Variants in ITPR1 observed in about 807,000 individuals in gnomAD.
ITPR1 encodes the protein inositol 1,4,5-trisphosphate-gated calcium channel ITPR1.
ITPR1 carries 96 observed loss-of-function variants against 318.4 expected under a neutral mutation model. The ratio of observed to expected loss-of-function variants is 0.30; its 90% confidence interval spans 0.26 to 0.36. The LOEUF is 0.36. Ranked by LOEUF, ITPR1 falls within the 10% of genes least tolerant of loss-of-function variation. The pLI is 1.00. For synonymous variants in ITPR1, 1,312 were observed against 1,289.9 expected (o/e 1.02, Z -0.37); for missense variants, 2,440 against 3,460.2 (o/e 0.71, Z 7.40).
intron 3 of ITPR1, among the ~76,000 whole-genome samples, chr3:4,517,096 A>G (rs767532188): frequency 4.6e-5 from 7 of 152,182 alleles, no homozygotes; most frequent in Admixed American, 1.3e-4. Flanking sequence ...ATAAAGTTCT[A>G]TAAATCAGAT....
intron 4 of ITPR1, among the ~76,000 whole-genome samples, chr3:4,557,687 T>C (rs1298220398): frequency 1.3e-5 from 2 of 152,234 alleles, no homozygotes; most frequent in Non-Finnish European, 2.9e-5. Context: ...ACTAATTGTT[T>C]GAGGTTTCTT....
intron 7 of ITPR1, among the ~76,000 whole-genome samples, chr3:4,643,523 C>G (rs915286135): frequency 2.6e-5 from 4 of 151,668 alleles, no homozygotes; most frequent in South Asian, 2.1e-4. Flanking sequence ...TGGCTTGTGA[C>G]TATCCTTTTT....
At chr3:4,509,269 T>G (rs2081620986) in intron 2 of ITPR1, among the ~76,000 whole-genome samples, 1 of 152,228 alleles carries the variant, frequency 6.6e-6, no homozygotes, top group Admixed American at 6.5e-5. Context: ...TCACATATTC[T>G]GAGTCTGTTT....
chr3:4,762,283 G>A (rs767924076), intron 44 of ITPR1, among the ~76,000 whole-genome samples: 20 of 152,204 alleles, frequency 1.3e-4, no homozygotes, highest in Non-Finnish European at 1.0e-4. Flanking sequence ...TGAGCTCCTG[G>A]TAGCTTGAAA....
chr3:4,791,983 C>G (rs1489107178), intron 52 of ITPR1, among the ~76,000 whole-genome samples: 2 of 152,196 alleles, frequency 1.3e-5, no homozygotes, highest in Admixed American at 1.3e-4. Flanking sequence ...TGAAAAGATT[C>G]TCGCTGGGCT....
intron 11 of ITPR1, among the ~76,000 whole-genome samples, chr3:4,653,335 T>C (rs184133599): frequency 4.3e-4 from 66 of 152,270 alleles, no homozygotes; most frequent in African/African-American, 1.5e-3. Flanking sequence ...GATTTTGATA[T>C]ATTTAAGAAC....
chr3:4,735,418 G>C, intron 44 of ITPR1, 64 bp downstream of exon 44: 1 of 1,373,830 alleles, frequency 7.3e-7, no homozygotes, highest in Non-Finnish European at 1.0e-6. Flanking sequence ...TCTGTTCTGG[G>C]AGCCAGATGT....
rs935562328 is a variant in ITPR1 at position 4,710,934 on chromosome 3, G to A, written c.4991+461G>A. 2.0e-5 allele frequency among the ~76,000 whole-genome samples: 3 copies of A among 152,264 alleles called. No individual in the cohort carries two copies. Among genetic ancestry groups the A allele is most frequent in the Admixed American group, 2.0e-4 (3 of 15,300 alleles). ...TCCATTAGATTTTTGCCCCAAGGCCGGACACGGTGGCTCATGCCTGTAATC... is the reference window on the plus strand; with the variant it reads ...TCCATTAGATTTTTGCCCCAAGGCCAGACACGGTGGCTCATGCCTGTAATC... On this transcript the variant is annotated intron_variant, in intron 38 of 61. Transcript: ENST00000649015. This position sits in a 1 kb window ranked among gnomAD's most constrained non-coding sequence, Gnocchi z 4.2.
At chr3:4,628,226 C>T (rs1166421927) in intron 5 of ITPR1, among the ~76,000 whole-genome samples, 1 of 152,174 alleles carries the variant, frequency 6.6e-6, no homozygotes. Flanking sequence ...TGCTGTTTTC[C>T]ACTTCTGTTA....
At chr3:4,505,194 T>A (rs2081313647) in intron 2 of ITPR1, among the ~76,000 whole-genome samples, 1 of 152,138 alleles carries the variant, frequency 6.6e-6, no homozygotes, top group South Asian at 2.1e-4. Context: ...TAAAGGAAGC[T>A]TTTTTCCCCT....
intron 17 of ITPR1, among the ~76,000 whole-genome samples, chr3:4,666,174 A>G (rs1559646807): frequency 6.6e-6 from 1 of 152,174 alleles, no homozygotes; most frequent in Non-Finnish European, 1.5e-5. Flanking sequence ...TATGTGAACT[A>G]TCCCTGCCTT....
At position 4,563,663 on chromosome 3, in the gene ITPR1, A is replaced by C. The variant is rs544302631; in HGVS notation, c.163+42569A>C. On this transcript the variant is annotated intron_variant, in intron 4 of 61. Transcript: ENST00000649015. ...GTTTCTGGTACCCTGAGTTGTGTTG[A>C]TGTTCAGTGCTCCCTTTACTCTCTC... Among the ~76,000 whole-genome samples, 37 of 152,198 alleles carry C rather than the reference A, an allele frequency of 2.4e-4. 1 individual carries two copies. The highest frequency in any genetic ancestry group is 7.9e-4 in the African/African-American group (33 of 41,524).
chr3:4,802,739 G>T (rs952551866), intron 54 of ITPR1, among the ~76,000 whole-genome samples: 5 of 152,054 alleles, frequency 3.3e-5, no homozygotes, highest in Admixed American at 2.0e-4. Flanking sequence ...TGAGGCACGA[G>T]AATCTCTTGA....
chr3:4,645,762 T>G, intron 10 of ITPR1, 34 bp downstream of exon 10: 1 of 1,592,350 alleles, frequency 6.3e-7, no homozygotes, highest in Non-Finnish European at 8.5e-7. Context: ...CTCCTGGGTT[T>G]AGAGGATATC....
At chr3:4,644,480 G>A (rs529584512) in intron 8 of ITPR1, among the ~76,000 whole-genome samples, 3 of 152,328 alleles carry the variant, frequency 2.0e-5, no homozygotes, top group African/African-American at 7.2e-5. Flanking sequence ...GCGTCACTGA[G>A]GGGTTGTTTT....
Position 4,688,519 on chromosome 3 carries a change from A to G in ITPR1, c.3727A>G (p.Ile1243Val), listed in dbSNP as rs756442891. 2.5e-6 allele frequency: 4 copies of G among 1,614,010 alleles called. No homozygotes were observed. The highest frequency in any genetic ancestry group is 3.4e-6 in the Non-Finnish European group (4 of 1,179,868). ...EKAEDTKMQEIMRLAHEFLQN... is the reference protein window; with the variant it reads ...EKAEDTKMQEVMRLAHEFLQN... ...GGCCGAAGATACCAAGATGCAAGAG[A>G]TAATGAGGTTGGCTCATGAATTTTT... The change falls in exon 31 of 62, where the codon ATA (isoleucine) becomes GTA (valine). Residue 1243 changes from isoleucine (I) to valine (V), a missense_variant. By Grantham distance (29) the Ile-to-Val change is conservative (BLOSUM62 3). This residue lies in a region of ITPR1 where 222 missense variants were observed against 318.8 expected (regional missense o/e 0.70). Transcript: ENST00000649015.
chr3:4,780,826 C>A (rs920317129), intron 49 of ITPR1, among the ~76,000 whole-genome samples: 7 of 152,098 alleles, frequency 4.6e-5, no homozygotes, highest in African/African-American at 1.7e-4. Context: ...TATGCAGGGA[C>A]CCCATTCGGC....
At chr3:4,669,043 C>T (rs1044494844) in intron 18 of ITPR1, among the ~76,000 whole-genome samples, 7 of 152,158 alleles carry the variant, frequency 4.6e-5, no homozygotes, top group African/African-American at 1.7e-4. Flanking sequence ...CAATGGAGCA[C>T]GGACACAGTT....
chr3:4,586,626 C>T (rs1474744935), intron 4 of ITPR1, among the ~76,000 whole-genome samples: 1 of 151,550 alleles, frequency 6.6e-6, no homozygotes, highest in Non-Finnish European at 1.5e-5. Flanking sequence ...CCTCCCACCT[C>T]AGCTTCCTGA....
Sources: gnomAD v4.1 joint callset for allele counts (sites outside exome capture counted in the v4.1 genomes callset) on GRCh38, gnomAD v4.1.1 for gene constraint, gnomAD v4.1.1 regional missense constraint, Gnocchi (gnomAD v3.1) non-coding constraint, MANE v1.5 for transcripts, NCBI Gene and HGNC (gene_info 2026-07-23, HGNC 2026-07-21) for gene names.